The following XKR4 variants were observed in gnomAD, a reference collection of about 807,000 sequenced individuals.
The protein encoded by XKR4 is XK related 4.
A neutral mutation model predicts 53.9 loss-of-function variants in XKR4; 12 were observed. The observed-to-expected ratio is 0.22, with a 90% CI of 0.14 to 0.36. The LOEUF is 0.36. XKR4 is among the 10% of genes least tolerant of loss of function. The pLI is 1.00. For synonymous variants in XKR4, 354 were observed against 362.4 expected (o/e 0.98, Z 0.26); for missense variants, 799 against 859.5 (o/e 0.93, Z 0.88).
chr8:55,151,897 G>A (rs1238956547), intron 1 of XKR4, among the ~76,000 whole-genome samples: 1 of 152,004 alleles, frequency 6.6e-6, no homozygotes, highest in Non-Finnish European at 1.5e-5. Flanking sequence ...CCCTAACATC[G>A]TCACTATCTT....
chr8:55,135,598 C>A (rs144170541), intron 1 of XKR4: 1 of 455,954 alleles, frequency 2.2e-6, no homozygotes, highest in East Asian at 6.9e-5. Flanking sequence ...TCTCTGTCAT[C>A]GGAGCTGTCT....
chr8:55,481,007 C>T (rs1468784776), intron 2 of XKR4, among the ~76,000 whole-genome samples: 2 of 152,180 alleles, frequency 1.3e-5, no homozygotes, highest in African/African-American at 4.8e-5. Flanking sequence ...CCATCCCCAT[C>T]AAGCTACCAA....
intron 1 of XKR4, among the ~76,000 whole-genome samples, chr8:55,205,268 A>C (rs1366407971): frequency 2.6e-5 from 4 of 152,250 alleles, no homozygotes; most frequent in Non-Finnish European, 1.5e-5. Flanking sequence ...ATGTCATACA[A>C]CATGCACATT....
intron 1 of XKR4, among the ~76,000 whole-genome samples, chr8:55,179,079 G>A (rs1348636047): frequency 6.6e-6 from 1 of 152,070 alleles, no homozygotes; most frequent in Non-Finnish European, 1.5e-5. Flanking sequence ...TATGGCAGGA[G>A]GAGCTAGACA....
chr8:55,197,545 A>ATT (rs35974542), intron 1 of XKR4, among the ~76,000 whole-genome samples: 28,906 of 143,616 alleles, frequency 0.2, 2,931 homozygotes, highest in Non-Finnish European at 0.22. Flanking sequence ...GTTCAGCTAA[A>ATT]TTTTTTTTTT....
At chr8:55,398,177 C>T (rs1161452252) in intron 2 of XKR4, among the ~76,000 whole-genome samples, 1 of 152,196 alleles carries the variant, frequency 6.6e-6, no homozygotes, top group Non-Finnish European at 1.5e-5. Flanking sequence ...CTCCCTCTAT[C>T]TCCAAAAGGG....
chr8:55,122,125 A>G (rs933314017), intron 1 of XKR4, among the ~76,000 whole-genome samples: 1 of 152,250 alleles, frequency 6.6e-6, no homozygotes, highest in East Asian at 1.9e-4. Context: ...TAAAAATTTC[A>G]TCCTCATTTG....
At chr8:55,254,830 T>A (rs1179387070) in intron 1 of XKR4, among the ~76,000 whole-genome samples, 1 of 152,198 alleles carries the variant, frequency 6.6e-6, no homozygotes, top group Non-Finnish European at 1.5e-5. Flanking sequence ...GGTTAAAAAC[T>A]TCCTGACTAC....
At chr8:55,448,281 A>G (rs1805374682) in intron 2 of XKR4, among the ~76,000 whole-genome samples, 1 of 152,238 alleles carries the variant, frequency 6.6e-6, no homozygotes, top group South Asian at 2.1e-4. Context: ...TTCTTCCCAT[A>G]CACCTGGACT....
At chr8:55,386,762 G>A (rs1192886919) in intron 2 of XKR4, among the ~76,000 whole-genome samples, 3 of 152,128 alleles carry the variant, frequency 2.0e-5, no homozygotes, top group South Asian at 2.1e-4. Context: ...AATGCACCTC[G>A]TTTTAAATTG....
intron 1 of XKR4, among the ~76,000 whole-genome samples, chr8:55,193,239 A>G (rs1041854657): frequency 2.0e-5 from 3 of 151,862 alleles, no homozygotes; most frequent in Non-Finnish European, 2.9e-5. Context: ...TCGTGCTTGC[A>G]TGAGGATTGA....
chr8:55,487,323 A>G (rs1386455681), intron 2 of XKR4, among the ~76,000 whole-genome samples: 1 of 152,166 alleles, frequency 6.6e-6, no homozygotes, highest in Non-Finnish European at 1.5e-5. Context: ...CTATGAGCCC[A>G]CAGTCAGTTG....
intron 1 of XKR4, among the ~76,000 whole-genome samples, chr8:55,330,874 A>G (rs1330343535): frequency 4.6e-5 from 7 of 152,202 alleles, no homozygotes; most frequent in Non-Finnish European, 1.0e-4. Context: ...GTGACTGGCT[A>G]CAATGATCTG....
At chr8:55,110,151 G>A (rs1396525214) in intron 1 of XKR4, among the ~76,000 whole-genome samples, 3 of 152,184 alleles carry the variant, frequency 2.0e-5, no homozygotes, top group Non-Finnish European at 4.4e-5. Context: ...TATGGTGCTA[G>A]TCAGGAGGGA....
rs558843985 is a variant in XKR4, at chr8:55,459,413, T to C, written c.1007-63868T>C. Among the ~76,000 whole-genome samples the C allele has an allele frequency of 2.0e-5, 3 of 152,256 alleles. No homozygotes were observed. The South Asian group carries it at 6.2e-4, about 32-fold the overall frequency. ...GATACCAAAAGTGTGACTCATTAAA[T>C]AATATAATTGGAAATTGAACTTCAT... On this transcript the variant is annotated intron_variant, in intron 2 of 2. Coordinates refer to ENST00000327381, the MANE Select transcript of XKR4 (RefSeq NM_052898.2).
chr8:55,415,229 AGG>A (rs1397551622), intron 2 of XKR4, among the ~76,000 whole-genome samples: 1 of 152,226 alleles, frequency 6.6e-6, no homozygotes, highest in Non-Finnish European at 1.5e-5. Context: ...TCAGAAATCA[AGG>A]GAGAGTTTTA....
intron 2 of XKR4, among the ~76,000 whole-genome samples, chr8:55,367,886 T>C (rs931661654): frequency 2.0e-5 from 3 of 152,122 alleles, no homozygotes; most frequent in African/African-American, 7.2e-5. Context: ...AGTGAACTGG[T>C]ACCCCCCTTC....
In XKR4 at chr8:55,526,347, T is replaced by A. The variant is rs185533614; in HGVS notation, c.*2120T>A. The stretch of plus-strand genomic sequence containing the variant: ...GTACAAAGCCCCAAATCAATTTTTT[T>A]AAAAAATAGACAATTTTTATAAGTA... On this transcript the variant is annotated 3_prime_UTR_variant, in exon 3 of 3. Transcript: ENST00000327381. 3.9e-5 allele frequency: 6 copies of A among 152,270 alleles called. No homozygotes were observed. The highest frequency in any genetic ancestry group is 2.1e-4 in the South Asian group (1 of 4,820). 9.4% of individuals were successfully genotyped at this position (152,270 alleles called of 1,614,324 possible). A position where few individuals can be genotyped will look rare whatever the true frequency, so the allele number is the denominator to read the frequency against.
intron 2 of XKR4, among the ~76,000 whole-genome samples, chr8:55,464,427 C>T (rs928679127): frequency 1.1e-4 from 17 of 152,122 alleles, no homozygotes; most frequent in South Asian, 6.2e-4. Context: ...AATTCAATAA[C>T]GCTTCATGCT....
Sources: allele counts gnomAD v4.1 joint callset (sites outside exome capture counted in the v4.1 genomes callset), GRCh38; gene constraint gnomAD v4.1.1; transcripts MANE v1.5; gene names NCBI Gene and HGNC (gene_info 2026-07-23, HGNC 2026-07-21).